The following B9D1 variants were observed in gnomAD, a reference collection of about 807,000 sequenced individuals.
The protein encoded by B9D1 is B9 domain-containing protein 1.
A neutral mutation model predicts 26.1 loss-of-function variants in B9D1; 20 were observed. The observed-to-expected ratio is 0.77, with a 90% CI of 0.54 to 1.12. The LOEUF (loss-of-function observed/expected upper bound fraction) is 1.12. B9D1 is among the 50% of genes most tolerant of loss of function. The pLI is 0.00. For missense variants in B9D1, 260 were observed against 273.7 expected (o/e 0.95, Z 0.35); for synonymous variants, 105 against 103.1 (o/e 1.02, Z -0.11).
downstream of B9D1, among the ~76,000 whole-genome samples, chr17:19,342,226 CGAG>C (rs1425618891): frequency 2.6e-5 from 4 of 152,118 alleles, no homozygotes; most frequent in Non-Finnish European, 5.9e-5. Flanking sequence ...CTTCCTATTC[CGAG>C]AAGATGGAAT....
downstream of B9D1, chr17:19,337,425 A>G (rs1032508140): frequency 8.9e-6 from 3 of 337,250 alleles, no homozygotes; most frequent in Non-Finnish European, 1.7e-5. Context: ...AGGCCTTGAG[A>G]CGAGCCTGGA....
chr17:19,344,988 G>A (rs1050798201), intron 5 of B9D1, among the ~76,000 whole-genome samples: 2 of 152,270 alleles, frequency 1.3e-5, no homozygotes, highest in African/African-American at 4.8e-5. Flanking sequence ...AAGAGGCTAT[G>A]TATGAGGACT....
intron 1 of B9D1, among the ~76,000 whole-genome samples, chr17:19,369,339 TTCC>T (rs1416146721): frequency 1.3e-5 from 2 of 152,220 alleles, no homozygotes; most frequent in African/African-American, 4.8e-5. Context: ...TGTGCACCTC[TTCC>T]CAGGGCCGCG....
downstream of B9D1, chr17:19,337,605 G>A: frequency 4.0e-6 from 4 of 988,714 alleles, no homozygotes; most frequent in South Asian, 5.8e-5. Flanking sequence ...GGGTGTGTGG[G>A]ATGCTCTTGG....
chr17:19,353,901 T>C (rs894833125), intron 3 of B9D1, among the ~76,000 whole-genome samples: 6 of 152,118 alleles, frequency 3.9e-5, no homozygotes, highest in African/African-American at 1.4e-4. Context: ...GATCGTGCCA[T>C]TGCACTCCTG....
downstream of B9D1, among the ~76,000 whole-genome samples, chr17:19,341,818 A>G (rs1055087639): frequency 6.6e-6 from 1 of 152,188 alleles, no homozygotes; most frequent in African/African-American, 2.4e-5. Context: ...CACTATGGGA[A>G]GTGCATGCAG....
At chr17:19,354,254 C>T (rs1910037441) in intron 3 of B9D1, among the ~76,000 whole-genome samples, 1 of 152,178 alleles carries the variant, frequency 6.6e-6, no homozygotes, top group Non-Finnish European at 1.5e-5. Context: ...TGTACTGGCG[C>T]TGACTCACTA....
intron 2 of B9D1, 146 bp from the exon 3 acceptor site, chr17:19,358,097 G>A: frequency 1.4e-6 from 1 of 697,198 alleles, no homozygotes; most frequent in East Asian, 2.7e-5. Context: ...AGGGGACTAA[G>A]AGATGATGGA....
rs559747114 is a variant in B9D1, at chr17:19,361,502, G to A, written c.63+1005C>T. On this transcript the variant is annotated intron_variant, in intron 1 of 6. Coordinates refer to ENST00000261499, the MANE Select transcript of B9D1 (RefSeq NM_015681.6). Reference sequence around the variant, plus strand: ...GTGTGACTGTCAGTGTGTGTGTGGCGGGGGGGTCGCTGATGCTGAGAGCAC... The same window carrying A: ...GTGTGACTGTCAGTGTGTGTGTGGCAGGGGGGTCGCTGATGCTGAGAGCAC... Among the ~76,000 whole-genome samples the A allele has an allele frequency of 1.2e-3, 186 of 149,828 alleles. 1 individual carries two copies. The highest frequency in any genetic ancestry group is 4.4e-3 in the African/African-American group (174 of 39,334).
chr17:19,339,619 C>T (rs1907735939), downstream of B9D1, among the ~76,000 whole-genome samples: 1 of 152,186 alleles, frequency 6.6e-6, no homozygotes, highest in East Asian at 1.9e-4. Flanking sequence ...TGGCTGAGCA[C>T]AGTATCTTAT....
At chr17:19,362,460 CGGGGGACGCT>C (rs748772003) in intron 1 of B9D1, 37 bp downstream of exon 1, 31 of 1,468,054 alleles carry the variant, frequency 2.1e-5, no homozygotes, top group Non-Finnish European at 2.7e-5. Flanking sequence ...GGAAGGGCCC[CGGGGGACGCT>C]GGGGGGCGGG....
At chr17:19,351,493 C>A (rs1280906237) in intron 3 of B9D1, among the ~76,000 whole-genome samples, 1 of 152,162 alleles carries the variant, frequency 6.6e-6, no homozygotes, top group Non-Finnish European at 1.5e-5. Flanking sequence ...CAAAACTATG[C>A]TGACCTAAAA....
downstream of B9D1, chr17:19,343,071 A>C: frequency 7.2e-7 from 1 of 1,386,720 alleles, no homozygotes; most frequent in Non-Finnish European, 9.3e-7. Context: ...CACAAGGGGT[A>C]GGGACAGGGA....
At chr17:19,367,818 C>T (rs1470242438) in intron 1 of B9D1, among the ~76,000 whole-genome samples, 1 of 152,220 alleles carries the variant, frequency 6.6e-6, no homozygotes, top group East Asian at 1.9e-4. Context: ...CCCTGGGCTT[C>T]CTCAGCCCCT....
downstream of B9D1, among the ~76,000 whole-genome samples, chr17:19,337,234 G>T (rs1907526256): frequency 2.6e-5 from 2 of 77,614 alleles, no homozygotes; most frequent in Non-Finnish European, 5.3e-5. Context: ...TTCTTAGGTG[G>T]CTTGCTGTGC....
chr17:19,335,498 A>C, downstream of B9D1: 1 of 1,543,330 alleles, frequency 6.5e-7, no homozygotes, highest in Non-Finnish European at 8.8e-7. Context: ...CCTCTGTCTT[A>C]ATCCACGCTC....
rs1486848316 is a variant in B9D1, at chr17:19,372,916, T to C, written c.-298+4943A>G. On this transcript the variant is annotated intron_variant, in intron 1 of 5. Coordinates refer to the B9D1 transcript ENST00000477478. The surrounding 1 kb of genome is among the most constrained non-coding windows in gnomAD (Gnocchi z 4.4). ...AGGGGTGCGAACAGTTGGGCACATC[T>C]ATTATTTCTGCTGACCCACGTCCAT... Among the ~76,000 whole-genome samples, 1 of 152,210 alleles carries C rather than the reference T, an allele frequency of 6.6e-6. No homozygotes were observed. Among genetic ancestry groups the C allele is most frequent in the Non-Finnish European group, 1.5e-5 (1 of 68,036 alleles).
At chr17:19,344,105 G>A (rs1426975162) in intron 5 of B9D1, among the ~76,000 whole-genome samples, 1 of 152,220 alleles carries the variant, frequency 6.6e-6, no homozygotes, top group Non-Finnish European at 1.5e-5. Context: ...TGCCTCCGCT[G>A]GCCGGTTAGG....
intron 3 of B9D1, among the ~76,000 whole-genome samples, chr17:19,357,001 C>T (rs1910443515): frequency 6.6e-6 from 1 of 152,242 alleles, no homozygotes; most frequent in African/African-American, 2.4e-5. Context: ...GCTCCAGACC[C>T]TCCACACCGT....
Sources: gnomAD v4.1 joint callset for allele counts (sites outside exome capture counted in the v4.1 genomes callset) on GRCh38, gnomAD v4.1.1 for gene constraint, Gnocchi (gnomAD v3.1) non-coding constraint, MANE v1.5 for transcripts, NCBI Gene and HGNC (gene_info 2026-07-23, HGNC 2026-07-21) for gene names.